EPS8: variants seen among roughly 807,000 people sequenced by gnomAD.
EPS8 encodes the protein epidermal growth factor receptor kinase substrate 8.
In EPS8, 42 loss-of-function variants were observed where a neutral mutation model predicts 103.8. That is an observed-to-expected ratio of 0.40 (90% CI 0.32 to 0.52). The LOEUF is 0.52. Among genes scored for constraint, EPS8 ranks in the 20% least tolerant of loss-of-function variants. The probability of loss-of-function intolerance (pLI) is 0.40; values close to 1 mark genes in which losing one functional copy is unlikely to be tolerated. For synonymous variants in EPS8, 344 were observed against 344.6 expected (o/e 1.00, Z 0.02); for missense variants, 969 against 1,005.1 (o/e 0.96, Z 0.49).
At chr12:15,638,051 A>AG (rs1462149758) in intron 17 of EPS8, among the ~76,000 whole-genome samples, 9 of 152,168 alleles carry the variant, frequency 5.9e-5, no homozygotes, top group African/African-American at 1.9e-4. Context: ...AATCTACATA[A>AG]ATATGGTGGT....
At position 15,749,141 on chromosome 12, in the gene EPS8, G is replaced by C. The variant is rs1946905160; in HGVS notation, c.-22+40020C>G. On this transcript the variant is annotated intron_variant, in intron 1 of 20. Coordinates refer to ENST00000281172, the MANE Select transcript of EPS8 (RefSeq NM_004447.6). This position sits in a 1 kb window ranked among gnomAD's most constrained non-coding sequence, Gnocchi z 4.0. Reference sequence around the variant, plus strand: ...TTGTCATAAAATGTATTGATTACCTGACTATTTAAGATTATGCCTTAGGCT... The same window carrying C: ...TTGTCATAAAATGTATTGATTACCTCACTATTTAAGATTATGCCTTAGGCT... Among the ~76,000 whole-genome samples the C allele has an allele frequency of 6.6e-6, 1 of 151,960 alleles. No individual in the cohort carries two copies. The highest frequency in any genetic ancestry group is 2.4e-5 in the African/African-American group (1 of 41,348).
intron 17 of EPS8, 60 bp downstream of exon 17, chr12:15,640,643 T>G: frequency 6.7e-7 from 1 of 1,497,490 alleles, no homozygotes; most frequent in Admixed American, 1.8e-5. Flanking sequence ...TAAATCCTAC[T>G]TAAGAGTGAT....
At chr12:15,774,601 T>C (rs1175270992) in intron 1 of EPS8, among the ~76,000 whole-genome samples, 1 of 147,466 alleles carries the variant, frequency 6.8e-6, no homozygotes, top group African/African-American at 2.5e-5. Flanking sequence ...TATGTACACA[T>C]ATAAAATATA....
At chr12:15,669,875 C>T (rs1210402541) in intron 4 of EPS8, 50 bp from the exon 5 acceptor site, 3 of 1,415,952 alleles carry the variant, frequency 2.1e-6, no homozygotes, top group African/African-American at 2.9e-5. Context: ...CAAACACATA[C>T]AACCTCTTAG....
intron 10 of EPS8, 72 bp downstream of exon 10, chr12:15,660,542 G>T: frequency 1.2e-6 from 1 of 803,026 alleles, no homozygotes. Flanking sequence ...GGGATTACAG[G>T]TGTGAGCCAC....
Position 15,747,445 on chromosome 12 carries a change from C to T in EPS8, c.-22+41716G>A, listed in dbSNP as rs1301652665. On this transcript the variant is annotated intron_variant, in intron 1 of 20. Coordinates refer to ENST00000281172, the MANE Select transcript of EPS8 (RefSeq NM_004447.6). This position sits in a 1 kb window ranked among gnomAD's most constrained non-coding sequence, Gnocchi z 4.4. Reference sequence around the variant, plus strand: ...AAACCAAAATGCACTATTTTAGGAGCAGCTGGTTAGTTCCAGTACTACCAA... The same window carrying T: ...AAACCAAAATGCACTATTTTAGGAGTAGCTGGTTAGTTCCAGTACTACCAA... 1.3e-5 allele frequency among the ~76,000 whole-genome samples: 2 copies of T among 152,120 alleles called. No individual in the cohort carries two copies. The highest frequency in any genetic ancestry group is 1.3e-4 in the Admixed American group (2 of 15,272).
At position 15,688,647 on chromosome 12, in the gene EPS8, G is replaced by A. The variant is rs572353237; in HGVS notation, c.-21-5675C>T. On this transcript the variant is annotated intron_variant, in intron 1 of 20. Transcript: ENST00000281172. The surrounding 1 kb of genome is among the most constrained non-coding windows in gnomAD (Gnocchi z 5.1). ...TGACGCGGAATTTGGAGTTTAGCAGGGGCAGCCGGACTCCAGGGGAAAACC... is the reference window on the plus strand; with the variant it reads ...TGACGCGGAATTTGGAGTTTAGCAGAGGCAGCCGGACTCCAGGGGAAAACC... Among the ~76,000 whole-genome samples, 3 of 152,122 alleles carry A rather than the reference G, an allele frequency of 2.0e-5. No individual in the cohort carries two copies. The highest frequency in any genetic ancestry group is 7.2e-5 in the African/African-American group (3 of 41,488).
intron 1 of EPS8, among the ~76,000 whole-genome samples, chr12:15,703,809 A>G (rs922153615): frequency 7.1e-6 from 1 of 140,596 alleles, no homozygotes; most frequent in African/African-American, 2.7e-5. Context: ...TTTCATTTCT[A>G]TAGGAATCTT....
intron 1 of EPS8, among the ~76,000 whole-genome samples, chr12:15,729,889 T>G (rs947034229): frequency 2.0e-5 from 3 of 152,220 alleles, no homozygotes; most frequent in African/African-American, 7.2e-5. Context: ...TACATAGGTA[T>G]GATTAACTCT....
rs1179198668 is a variant in EPS8, at chr12:15,700,868, A to G, written c.-21-17896T>C. ...CACTGATTAGACAAAATTGAAGTCTATCACAAAATAGACAAAGGACATATA... is the reference window on the plus strand; with the variant it reads ...CACTGATTAGACAAAATTGAAGTCTGTCACAAAATAGACAAAGGACATATA... On this transcript the variant is annotated intron_variant, in intron 1 of 20. Coordinates refer to ENST00000281172, the MANE Select transcript of EPS8 (RefSeq NM_004447.6). This position sits in a 1 kb window ranked among gnomAD's most constrained non-coding sequence, Gnocchi z 5.1. Among the ~76,000 whole-genome samples, 1 of 152,228 alleles carries G rather than the reference A, an allele frequency of 6.6e-6. No individual in the cohort carries two copies.
intron 15 of EPS8, among the ~76,000 whole-genome samples, chr12:15,644,261 C>A (rs1945281896): frequency 6.6e-6 from 1 of 152,188 alleles, no homozygotes; most frequent in South Asian, 2.1e-4. Flanking sequence ...TACCTCACGT[C>A]CGTTTTCTGT....
At chr12:15,639,535 AGCAAATAAT>A (rs1945193126) in intron 17 of EPS8, among the ~76,000 whole-genome samples, 1 of 152,198 alleles carries the variant, frequency 6.6e-6, no homozygotes, top group Non-Finnish European at 1.5e-5. Flanking sequence ...AACATAACAC[AGCAAATAAT>A]TTCCATTGCC....
In EPS8 at chr12:15,752,709, C is replaced by T. The variant is rs1208332899; in HGVS notation, c.-22+36452G>A. 1.3e-5 allele frequency among the ~76,000 whole-genome samples: 2 copies of T among 151,756 alleles called. No individual in the cohort carries two copies. Among genetic ancestry groups the T allele is most frequent in the South Asian group, 2.1e-4 (1 of 4,822 alleles). On this transcript the variant is annotated intron_variant, in intron 1 of 20. Transcript: ENST00000281172. This position sits in a 1 kb window ranked among gnomAD's most constrained non-coding sequence, Gnocchi z 4.4. ...GAGATGGGCCTGAGAAGTTATACCC[C>T]GACAGTGAAGATATTAATAATGATG...
rs987464013 is a variant in EPS8, at chr12:15,769,969, G to T, written c.-22+19192C>A. 6.6e-6 allele frequency among the ~76,000 whole-genome samples: 1 copy of T among 150,586 alleles called. No individual in the cohort carries two copies. The highest frequency in any genetic ancestry group is 2.4e-5 in the African/African-American group (1 of 40,932). On this transcript the variant is annotated intron_variant, in intron 1 of 20. Coordinates refer to ENST00000281172, the MANE Select transcript of EPS8 (RefSeq NM_004447.6). The surrounding 1 kb of genome is among the most constrained non-coding windows in gnomAD (Gnocchi z 4.6). ...TTTTTTTTTCTTTTTTGAGACTAGG[G>T]TCTCGCTCTTTCACCCATGCTGCAG...
chr12:15,623,369 G>A (rs1176308862), intron 19 of EPS8, 82 bp from the exon 20 acceptor site: 10 of 1,292,704 alleles, frequency 7.7e-6, no homozygotes, highest in Non-Finnish European at 1.1e-5. Context: ...GTTCCTGCTA[G>A]TAACTTCTCT....
intron 12 of EPS8, among the ~76,000 whole-genome samples, chr12:15,655,821 G>A (rs965222156): frequency 3.3e-5 from 5 of 152,218 alleles, no homozygotes; most frequent in African/African-American, 1.2e-4. Context: ...GGGAAGAGGA[G>A]AGCAACTCGC....
At chr12:15,755,164 G>A (rs1391046062) in intron 1 of EPS8, among the ~76,000 whole-genome samples, 1 of 152,170 alleles carries the variant, frequency 6.6e-6, no homozygotes, top group Non-Finnish European at 1.5e-5. Flanking sequence ...CAGAGCCTCT[G>A]CAGTCTATCA....
In EPS8 at chr12:15,735,957, C is replaced by A. The variant is rs976055270; in HGVS notation, c.-21-52985G>T. Among the ~76,000 whole-genome samples, 1 of 152,202 alleles carries A rather than the reference C, an allele frequency of 6.6e-6. No individual in the cohort carries two copies. The highest frequency in any genetic ancestry group is 1.5e-5 in the Non-Finnish European group (1 of 68,040). On this transcript the variant is annotated intron_variant, in intron 1 of 20. Transcript: ENST00000281172. This position sits in a 1 kb window ranked among gnomAD's most constrained non-coding sequence, Gnocchi z 4.4. The stretch of plus-strand genomic sequence containing the variant: ...CTGAAGTACAGTGTCATTATCATAG[C>A]TCACTGCAGCCTCAACCTCCTGGGC...
intron 1 of EPS8, among the ~76,000 whole-genome samples, chr12:15,775,250 G>A (rs180886905): frequency 9.9e-5 from 15 of 152,184 alleles, no homozygotes; most frequent in Admixed American, 2.0e-4. Flanking sequence ...TCAGCCTAAG[G>A]TGTTACATAT....
Sources: gnomAD v4.1 joint callset for allele counts (sites outside exome capture counted in the v4.1 genomes callset) on GRCh38, gnomAD v4.1.1 for gene constraint, Gnocchi (gnomAD v3.1) non-coding constraint, MANE v1.5 for transcripts, NCBI Gene and HGNC (gene_info 2026-07-23, HGNC 2026-07-21) for gene names.